The following FHIT variants were observed in gnomAD, a reference collection of about 807,000 sequenced individuals.
FHIT encodes fragile histidine triad diadenosine triphosphatase.
In FHIT, 19 loss-of-function variants were observed where a neutral mutation model predicts 17.9. The observed-to-expected ratio is 1.06, with a 90% CI of 0.74 to 1.56. The LOEUF is 1.56. Ranked by LOEUF, FHIT falls within the 40% of genes most tolerant of loss-of-function variation. The probability of loss-of-function intolerance (pLI) is 0.00; values close to 1 mark genes in which losing one functional copy is unlikely to be tolerated. For missense variants in FHIT, 248 were observed against 189.2 expected (o/e 1.31, Z -1.82); for synonymous variants, 81 against 69.7 (o/e 1.16, Z -0.81).
At chr3:60,145,532 A>G (rs1700203845) in intron 5 of FHIT, among the ~76,000 whole-genome samples, 1 of 152,202 alleles carries the variant, frequency 6.6e-6, no homozygotes. Flanking sequence ...AAGGCACTAA[A>G]TCTCCACAGA....
At chr3:60,563,614 G>T (rs2121857) in intron 4 of FHIT, among the ~76,000 whole-genome samples, 16,314 of 152,246 alleles carry the variant, frequency 0.11, 1,061 homozygotes, top group East Asian at 0.2. Context: ...CACACAAACA[G>T]TAAGAAAGTA....
chr3:60,138,266 C>T (rs994947333), intron 5 of FHIT, among the ~76,000 whole-genome samples: 1 of 152,076 alleles, frequency 6.6e-6, no homozygotes, highest in South Asian at 2.1e-4. Flanking sequence ...AGCATCTGTA[C>T]ACAACATGTG....
At chr3:60,211,866 T>C (rs754022554) in intron 5 of FHIT, among the ~76,000 whole-genome samples, 2 of 152,192 alleles carry the variant, frequency 1.3e-5, no homozygotes, top group African/African-American at 2.4e-5. Flanking sequence ...TCTAAAGTTA[T>C]TGTCATGACA....
intron 5 of FHIT, among the ~76,000 whole-genome samples, chr3:60,192,947 G>T (rs1213202397): frequency 6.6e-6 from 1 of 152,208 alleles, no homozygotes; most frequent in Non-Finnish European, 1.5e-5. Flanking sequence ...CACTGCCAGT[G>T]AAAGAATATT....
chr3:60,113,846 A>C (rs1704796883), intron 5 of FHIT, among the ~76,000 whole-genome samples: 2 of 148,728 alleles, frequency 1.3e-5, no homozygotes, highest in Non-Finnish European at 3.0e-5. Context: ...CTAAAAATAC[A>C]AAAAAATTAG....
rs113781301 is a variant in FHIT at position 59,883,313 on chromosome 3, C to T, written c.348+39033G>A. Among the ~76,000 whole-genome samples, 111 of 152,180 alleles carry T rather than the reference C, an allele frequency of 7.3e-4. 1 individual carries two copies. Among genetic ancestry groups the T allele is most frequent in the Middle Eastern group, 3.4e-3 (1 of 294 alleles). On this transcript the variant is annotated intron_variant, in intron 8 of 9. Transcript: ENST00000492590. ...TCTGTTTTCATGCTGCTGATAAAGACACACCTGAGACTGGGTACTTTAAAA... is the reference window on the plus strand; with the variant it reads ...TCTGTTTTCATGCTGCTGATAAAGATACACCTGAGACTGGGTACTTTAAAA...
At chr3:61,017,163 G>A (rs2032159190) in intron 3 of FHIT, among the ~76,000 whole-genome samples, 1 of 152,140 alleles carries the variant, frequency 6.6e-6, no homozygotes, top group African/African-American at 2.4e-5. Context: ...GCTGGCAGGT[G>A]CCTGTAATCC....
chr3:60,418,426 A>ATATATATATATGTG (rs1559897379), intron 5 of FHIT, among the ~76,000 whole-genome samples: 1 of 15,178 alleles, frequency 6.6e-5, no homozygotes, highest in Non-Finnish European at 1.8e-4. Context: ...ATATATATAT[A>ATATATATATATGTG]CGTGTATACA....
At chr3:60,248,123 G>C (rs1340944355) in intron 5 of FHIT, among the ~76,000 whole-genome samples, 1 of 152,034 alleles carries the variant, frequency 6.6e-6, no homozygotes, top group Non-Finnish European at 1.5e-5. Context: ...TGCATTTGAA[G>C]CTGCCTCGTT....
At chr3:60,277,896 G>T (rs1377564429) in intron 5 of FHIT, among the ~76,000 whole-genome samples, 4 of 152,002 alleles carry the variant, frequency 2.6e-5, no homozygotes, top group Non-Finnish European at 5.9e-5. Context: ...ACTGCAATTT[G>T]CAACAAGAAA....
chr3:59,780,582 G>T (rs1702536998), intron 8 of FHIT, among the ~76,000 whole-genome samples: 1 of 152,164 alleles, frequency 6.6e-6, no homozygotes, highest in Non-Finnish European at 1.5e-5. Context: ...ATCCAGTTAA[G>T]ATATTTGTTA....
chr3:60,284,385 GGCA>G (rs924933150), intron 5 of FHIT, among the ~76,000 whole-genome samples: 1 of 152,058 alleles, frequency 6.6e-6, no homozygotes, highest in African/African-American at 2.4e-5. Context: ...CATAGTATGT[GGCA>G]GCAGGAGAAC....
intron 5 of FHIT, among the ~76,000 whole-genome samples, chr3:60,131,020 CATATAT>C (rs1559661428): frequency 1.7e-4 from 25 of 144,850 alleles, no homozygotes; most frequent in East Asian, 8.1e-4. Context: ...TATATATACA[CATATAT>C]ACATATGTGT....
intron 7 of FHIT, among the ~76,000 whole-genome samples, chr3:59,955,120 C>T (rs1392512752): frequency 2.0e-5 from 3 of 152,162 alleles, no homozygotes; most frequent in Non-Finnish European, 2.9e-5. Context: ...CAGTAGCTAT[C>T]GTACAGCGTA....
intron 5 of FHIT, among the ~76,000 whole-genome samples, chr3:60,053,527 T>C (rs1701966709): frequency 6.6e-6 from 1 of 151,762 alleles, no homozygotes; most frequent in Non-Finnish European, 1.5e-5. Context: ...GCAAAACACA[T>C]TGCCTTCAGA....
intron 2 of FHIT, among the ~76,000 whole-genome samples, chr3:61,174,682 T>A (rs2038105138): frequency 1.3e-5 from 2 of 152,228 alleles, no homozygotes; most frequent in African/African-American, 4.8e-5. Flanking sequence ...CACTAGTATA[T>A]CTTTAAATCT....
Position 60,407,320 on chromosome 3 carries a change from G to GT in FHIT, c.103+129539dup, listed in dbSNP as rs1701903167. ...AAAGCCTACCAATTACAGATGCCTA[G>GT]TAGGTCCAGAGGGTTGCTATTACAG... On this transcript the variant is annotated intron_variant, in intron 5 of 9. Transcript: ENST00000492590. Among the ~76,000 whole-genome samples the GT allele has an allele frequency of 4.6e-5, 7 of 151,958 alleles. No homozygotes were observed. In the South Asian group the frequency reaches 1.5e-3, roughly 32 times the overall value.
rs56759836 is a variant in FHIT at position 60,616,944 on chromosome 3, C to CA, written c.-17-79966dup. The CA allele has an allele frequency of 2.5e-3, 390 of 155,412 alleles. 2 individuals are homozygous for CA. Among genetic ancestry groups the CA allele is most frequent in the African/African-American group, 9.1e-3 (380 of 41,648 alleles). 9.6% of individuals were successfully genotyped at this position (155,412 alleles called of 1,614,324 possible). ...CCTGATTTTCAGCAGAAATGCTCTT[C>CA]AAATCAGTTTCACTTAGGCTTTTTG... On this transcript the variant is annotated intron_variant, in intron 4 of 9. Transcript: ENST00000492590.
rs563624302 is a variant in FHIT, at chr3:61,181,905, A to T, written c.-164+18712T>A. Among the ~76,000 whole-genome samples, 37 of 152,304 alleles carry T rather than the reference A, an allele frequency of 2.4e-4. No individual in the cohort carries two copies. In the Middle Eastern group the frequency reaches 0.01, roughly 42 times the overall value. On this transcript the variant is annotated intron_variant, in intron 2 of 9. Transcript: ENST00000492590. ...TATTACATTTCTGTTCTATAAGTGT[A>T]TGGTTAGATGACTGTTACTATTCTT...
Sources: allele counts gnomAD v4.1 joint callset (sites outside exome capture counted in the v4.1 genomes callset), GRCh38; gene constraint gnomAD v4.1.1; transcripts MANE v1.5; gene names NCBI Gene and HGNC (gene_info 2026-07-23, HGNC 2026-07-21).